Variants in SAMD3 observed in about 807,000 individuals in gnomAD.
SAMD3 encodes the protein sterile alpha motif domain containing 3, also known as sterile alpha motif domain-containing protein 3.
SAMD3 carries 63 observed loss-of-function variants against 58.5 expected under a neutral mutation model. That is an observed-to-expected ratio of 1.08 (90% CI 0.88 to 1.33). SAMD3 has a LOEUF of 1.33. Among genes scored for constraint, SAMD3 ranks in the 40% most tolerant of loss-of-function variants. The pLI, the probability that SAMD3 is intolerant of heterozygous loss-of-function variation, is 0.00. For missense variants in SAMD3, 604 were observed against 608.4 expected, an observed-to-expected ratio of 0.99 and a Z score of 0.08; for synonymous variants, 220 against 210.3, an observed-to-expected ratio of 1.05 and a Z score of -0.40.
At chr6:130,180,521 T>C (rs553446203) in intron 7 of SAMD3, among the ~76,000 whole-genome samples, 1 of 152,104 alleles carries the variant, frequency 6.6e-6, no homozygotes, top group East Asian at 1.9e-4. Flanking sequence ...AGCAAACAAA[T>C]ATGACAGAAG....
At chr6:130,296,664 C>T (rs1775580735) in intron 2 of SAMD3, among the ~76,000 whole-genome samples, 1 of 152,116 alleles carries the variant, frequency 6.6e-6, no homozygotes. Context: ...AACTCCCCAT[C>T]CCTAGTCCCT....
rs137861174 is a variant in SAMD3, at chr6:130,165,862, C to G, written c.822+9979G>C. Among the ~76,000 whole-genome samples, 373 of 152,254 alleles carry G rather than the reference C, an allele frequency of 2.4e-3. 2 individuals are homozygous for G. The highest frequency in any genetic ancestry group is 4.0e-3 in the Non-Finnish European group (269 of 68,022). ...ATTTGACAGAGGCCAAGAGGACCAT[C>G]AAGGAATTTTTTGGTTGAAGAGATC... On this transcript the variant is annotated intron_variant, in intron 8 of 11. Transcript: ENST00000439090.
At chr6:130,363,841 C>A (rs528375226) in intron 1 of SAMD3, among the ~76,000 whole-genome samples, 1 of 152,058 alleles carries the variant, frequency 6.6e-6, no homozygotes, top group East Asian at 1.9e-4. Flanking sequence ...TACTTGATGG[C>A]GAGAAGTAGA....
intron 2 of SAMD3, among the ~76,000 whole-genome samples, chr6:130,230,373 C>T (rs1158420870): frequency 6.6e-5 from 10 of 151,784 alleles, no homozygotes; most frequent in East Asian, 3.9e-4. Context: ...TAGGTTTGTT[C>T]GCCTCTCCTT....
At chr6:130,280,428 T>C (rs1024769783) in intron 2 of SAMD3, among the ~76,000 whole-genome samples, 1 of 152,212 alleles carries the variant, frequency 6.6e-6, no homozygotes, top group African/African-American at 2.4e-5. Context: ...AAGGTTCATT[T>C]TTTGGCCCTC....
intron 8 of SAMD3, 131 bp downstream of exon 8, chr6:130,175,710 T>A (rs2114668723): frequency 1.7e-6 from 1 of 586,128 alleles, no homozygotes; most frequent in South Asian, 3.3e-5. Context: ...CTTTCTTGGT[T>A]CTTAACTACA....
At chr6:130,310,612 C>T (rs1776116448) in intron 2 of SAMD3, among the ~76,000 whole-genome samples, 1 of 152,124 alleles carries the variant, frequency 6.6e-6, no homozygotes, top group Non-Finnish European at 1.5e-5. Flanking sequence ...TATTTTAGTG[C>T]TATAATTTTT....
rs533108095 is a variant in SAMD3, at chr6:130,255,510, T to C, written c.-187-32697A>G. On this transcript the variant is annotated intron_variant, in intron 2 of 13. Transcript: ENST00000368134. ...GGTGCATAAATATTTACAATTGTTA[T>C]ATCCTCTTGATGAATTGATCGCTTT... is the stretch of plus-strand genomic sequence containing the variant. Among the ~76,000 whole-genome samples, 51 of 152,360 alleles carry C rather than the reference T, an allele frequency of 3.3e-4. 1 individual carries two copies. The highest frequency in any genetic ancestry group is 1.2e-3 in the African/African-American group (48 of 41,590).
intron 2 of SAMD3, among the ~76,000 whole-genome samples, chr6:130,275,106 G>A (rs1018427221): frequency 1.3e-5 from 2 of 152,118 alleles, no homozygotes; most frequent in Admixed American, 6.6e-5. Context: ...CCCATTAAAT[G>A]TGAGAAACAC....
intron 5 of SAMD3, among the ~76,000 whole-genome samples, chr6:130,187,303 T>C (rs1582846250): frequency 6.6e-6 from 1 of 152,146 alleles, no homozygotes; most frequent in Non-Finnish European, 1.5e-5. Context: ...TCTACATACT[T>C]TCCCTCCTTT....
intron 8 of SAMD3, among the ~76,000 whole-genome samples, chr6:130,174,177 G>A (rs910922177): frequency 6.6e-6 from 1 of 152,130 alleles, no homozygotes; most frequent in African/African-American, 2.4e-5. Flanking sequence ...CTTTTCCAGG[G>A]GATTGAACAG....
intron 2 of SAMD3, among the ~76,000 whole-genome samples, chr6:130,248,538 G>C (rs74700178): frequency 1.3e-5 from 2 of 152,142 alleles, no homozygotes; most frequent in Non-Finnish European, 2.9e-5. Context: ...GAAGTGCACT[G>C]CTTGTTGCCA....
At chr6:130,358,370 A>G (rs540372173) in intron 1 of SAMD3, among the ~76,000 whole-genome samples, 1 of 152,358 alleles carries the variant, frequency 6.6e-6, no homozygotes, top group East Asian at 1.9e-4. Context: ...AAGGATTCCA[A>G]AAATCTTGCA....
At chr6:130,224,380 T>C (rs1473331424), upstream of SAMD3, among the ~76,000 whole-genome samples, 1 of 151,848 alleles carries the variant, frequency 6.6e-6, no homozygotes, top group Non-Finnish European at 1.5e-5. Context: ...GGTGGAGCCC[T>C]AGCCAGGGAC....
intron 2 of SAMD3, among the ~76,000 whole-genome samples, chr6:130,263,460 C>T (rs1182329831): frequency 2.0e-5 from 3 of 152,100 alleles, no homozygotes; most frequent in African/African-American, 7.2e-5. Context: ...TGCTAACCAC[C>T]AAGAATGCTG....
At chr6:130,204,406 T>C (rs921126202) in intron 5 of SAMD3, among the ~76,000 whole-genome samples, 2 of 152,102 alleles carry the variant, frequency 1.3e-5, no homozygotes, top group African/African-American at 2.4e-5. Flanking sequence ...AGTATCTTCA[T>C]GACTAGCCTG....
intron 1 of SAMD3, among the ~76,000 whole-genome samples, chr6:130,338,056 T>TAGG (rs960604984): frequency 4.6e-5 from 7 of 152,248 alleles, no homozygotes; most frequent in Admixed American, 2.0e-4. Context: ...GCCTGAGGTC[T>TAGG]AGGAGGGAAA....
intron 1 of SAMD3, among the ~76,000 whole-genome samples, chr6:130,339,379 A>C (rs1347922796): frequency 1.3e-5 from 2 of 152,146 alleles, no homozygotes; most frequent in African/African-American, 4.8e-5. Flanking sequence ...ATTCCCATAC[A>C]TCCTACATGT....
chr6:130,226,598 G>A (rs558651630), upstream of SAMD3, among the ~76,000 whole-genome samples: 3 of 152,148 alleles, frequency 2.0e-5, no homozygotes, highest in Admixed American at 6.5e-5. Context: ...AGGCCAAGGC[G>A]GGTGCATCAC....
Sources: allele counts gnomAD v4.1 joint callset (sites outside exome capture counted in the v4.1 genomes callset), GRCh38; gene constraint gnomAD v4.1.1; transcripts MANE v1.5; gene names NCBI Gene and HGNC (gene_info 2026-07-23, HGNC 2026-07-21).